The following SLC35D4 variants were observed in gnomAD, a reference collection of about 807,000 sequenced individuals.
The protein encoded by SLC35D4 is solute carrier family 35 member D4, also known as UDP-N-acetylglucosamine transporter SLC35D4.
At chr18:23,421,392 A>C in the SLC35D4 span, 34 of 1,613,998 alleles carry the variant, frequency 2.1e-5, no homozygotes, top group Non-Finnish European at 2.7e-5. Flanking sequence ...ATCTCTACCC[A>C]GCCCAGTTTC....
chr18:23,388,951 A>G, the SLC35D4 span, among the ~76,000 whole-genome samples: 2 of 150,708 alleles, frequency 1.3e-5, no homozygotes, highest in Non-Finnish European at 1.5e-5. Flanking sequence ...AGTCAATTAA[A>G]CATCTTTTCT....
At chr18:23,399,796 T>C in the SLC35D4 span, 3 of 700,604 alleles carry the variant, frequency 4.3e-6, no homozygotes, top group Middle Eastern at 2.5e-4. Context: ...GATGTAGTCT[T>C]TATCGATTGA....
At chr18:23,359,453 G>A in the SLC35D4 span, among the ~76,000 whole-genome samples, 5 of 151,908 alleles carry the variant, frequency 3.3e-5, no homozygotes, top group Admixed American at 6.6e-5. Context: ...AATGGAGTCC[G>A]AGTTAGGCCC....
the SLC35D4 span, among the ~76,000 whole-genome samples, chr18:23,255,660 A>C: frequency 6.6e-6 from 1 of 151,616 alleles, no homozygotes; most frequent in Non-Finnish European, 1.5e-5. Context: ...CCCAGACTCA[A>C]GCAATCCTCC....
the SLC35D4 span, chr18:23,437,866 C>T: frequency 6.2e-7 from 1 of 1,610,078 alleles, no homozygotes. Context: ...TCAACTCGTC[C>T]CCTTCTCGGG....
the SLC35D4 span, among the ~76,000 whole-genome samples, chr18:23,418,383 A>ATTATTATTATTT: frequency 6.8e-6 from 1 of 146,412 alleles, no homozygotes; most frequent in African/African-American, 2.6e-5. Flanking sequence ...TATTATTATT[A>ATTATTATTATTT]TTTTTTGAGA....
the SLC35D4 span, among the ~76,000 whole-genome samples, chr18:23,385,370 C>T: frequency 1.3e-5 from 2 of 152,210 alleles, no homozygotes; most frequent in Non-Finnish European, 2.9e-5. Flanking sequence ...CCCCCTCAGG[C>T]GAGAGCTCAG....
the SLC35D4 span, among the ~76,000 whole-genome samples, chr18:23,343,433 G>A: frequency 6.6e-6 from 1 of 151,930 alleles, no homozygotes; most frequent in Non-Finnish European, 1.5e-5. Flanking sequence ...TAGAGACAGG[G>A]TTTCTCCATG....
the SLC35D4 span, among the ~76,000 whole-genome samples, chr18:23,307,880 T>G: frequency 1.3e-5 from 2 of 152,122 alleles, no homozygotes; most frequent in East Asian, 3.9e-4. Flanking sequence ...GCCATCCTTC[T>G]GAAGAACCCA....
chr18:23,304,978 G>T, the SLC35D4 span, among the ~76,000 whole-genome samples: 2 of 152,176 alleles, frequency 1.3e-5, no homozygotes, highest in Non-Finnish European at 2.9e-5. Flanking sequence ...CAATGAATTA[G>T]CTTTCTGATT....
At chr18:23,400,389 T>C in the SLC35D4 span, among the ~76,000 whole-genome samples, 17 of 152,142 alleles carry the variant, frequency 1.1e-4, no homozygotes, top group Non-Finnish European at 2.4e-4. Context: ...TTTGGGAGGC[T>C]AAGACAGGTG....
the SLC35D4 span, among the ~76,000 whole-genome samples, chr18:23,306,755 G>C: frequency 6.6e-6 from 1 of 152,228 alleles, no homozygotes; most frequent in East Asian, 1.9e-4. Flanking sequence ...CCATGGGGGG[G>C]AAAAATCTGC....
chr18:23,365,855 G>T, the SLC35D4 span, among the ~76,000 whole-genome samples: 1 of 152,178 alleles, frequency 6.6e-6, no homozygotes, highest in African/African-American at 2.4e-5. Flanking sequence ...GTTTTGGCAA[G>T]AAGATTGCCT....
chr18:23,278,088 G>C, the SLC35D4 span, among the ~76,000 whole-genome samples: 1 of 152,194 alleles, frequency 6.6e-6, no homozygotes, highest in African/African-American at 2.4e-5. Context: ...CATGGGCACA[G>C]GGAAGGGAGG....
chr18:23,380,847 T>C, the SLC35D4 span, among the ~76,000 whole-genome samples: 1 of 152,152 alleles, frequency 6.6e-6, no homozygotes, highest in African/African-American at 2.4e-5. Context: ...GGCCTTGTTG[T>C]GGATGGTGAA....
chr18:23,286,440 G>A, the SLC35D4 span, among the ~76,000 whole-genome samples: 1 of 152,088 alleles, frequency 6.6e-6, no homozygotes, highest in Admixed American at 6.5e-5. Context: ...CAACTCACCT[G>A]GCAGCCACTC....
At chr18:23,371,337 C>T in the SLC35D4 span, 32 of 1,086,500 alleles carry the variant, frequency 2.9e-5, no homozygotes, top group East Asian at 9.0e-4. Context: ...CCAAGGGATC[C>T]ACTTGCCTTG....
chr18:23,366,398 C>G, the SLC35D4 span, among the ~76,000 whole-genome samples: 1 of 152,196 alleles, frequency 6.6e-6, no homozygotes, highest in Non-Finnish European at 1.5e-5. Flanking sequence ...ATCTGGGCAG[C>G]CAATCAAATT....
chr18:23,330,446 G>A, the SLC35D4 span, among the ~76,000 whole-genome samples: 1 of 152,076 alleles, frequency 6.6e-6, no homozygotes, highest in Non-Finnish European at 1.5e-5. Flanking sequence ...GATGTCATGG[G>A]TCAAAATTAA....
Sources: gnomAD v4.1 joint callset for allele counts (sites outside exome capture counted in the v4.1 genomes callset) on GRCh38, gnomAD v4.1.1 for gene constraint, MANE v1.5 for transcripts, NCBI Gene and HGNC (gene_info 2026-07-23, HGNC 2026-07-21) for gene names.